Variants in CDH18 observed in about 807,000 individuals in gnomAD.
CDH18 encodes the protein cadherin-18.
CDH18 carries 31 observed loss-of-function variants against 67.9 expected under a neutral mutation model. The ratio of observed to expected loss-of-function variants is 0.46; its 90% CI spans 0.34 to 0.62. CDH18 has a LOEUF of 0.62. Among genes scored for constraint, CDH18 ranks in the 20% least tolerant of loss-of-function variants. CDH18 has a pLI of 0.01. For missense variants in CDH18, 890 were observed against 975.5 expected, an observed-to-expected ratio of 0.91 and a Z score of 1.17; for synonymous variants, 362 against 347.2, an observed-to-expected ratio of 1.04 and a Z score of -0.48.
At chr5:19,971,143 T>C (rs1282353703) in intron 2 of CDH18, among the ~76,000 whole-genome samples, 2 of 151,798 alleles carry the variant, frequency 1.3e-5, no homozygotes. Context: ...TGCTTATTGA[T>C]GAAATGCTAG....
At chr5:19,590,917 A>C (rs907882455) in intron 7 of CDH18, 140 bp downstream of exon 7, 8 of 544,344 alleles carry the variant, frequency 1.5e-5, no homozygotes, top group African/African-American at 1.3e-4. Context: ...AACAACAATT[A>C]AAATGTAATT....
intron 1 of CDH18, among the ~76,000 whole-genome samples, chr5:20,355,245 A>T (rs2150063365): frequency 6.6e-6 from 1 of 152,348 alleles, no homozygotes; most frequent in Middle Eastern, 3.4e-3. Context: ...GAGGGAGGGC[A>T]GTATGGCTCT....
At chr5:19,597,819 T>A (rs543477722) in intron 6 of CDH18, among the ~76,000 whole-genome samples, 2 of 152,310 alleles carry the variant, frequency 1.3e-5, no homozygotes, top group African/African-American at 4.8e-5. Context: ...AATATTAATG[T>A]AATGTGTTTC....
At chr5:20,399,550 C>T (rs559822852) in intron 1 of CDH18, among the ~76,000 whole-genome samples, 7 of 152,278 alleles carry the variant, frequency 4.6e-5, no homozygotes, top group African/African-American at 1.4e-4. Flanking sequence ...TTACTTAACA[C>T]AGTCACTGAA....
At chr5:20,041,462 A>G (rs1740415495) in intron 2 of CDH18, among the ~76,000 whole-genome samples, 1 of 152,196 alleles carries the variant, frequency 6.6e-6, no homozygotes, top group African/African-American at 2.4e-5. Context: ...ATATCCTCCA[A>G]TTAAATGATT....
rs374598853 is a variant in CDH18, at chr5:20,210,653, C to T, written c.-518+44791G>A. Among the ~76,000 whole-genome samples, 42 of 151,582 alleles carry T rather than the reference C, an allele frequency of 2.8e-4. No homozygotes were observed. The East Asian group carries it at 7.4e-3, about 27-fold the overall frequency. On this transcript the variant is annotated intron_variant, in intron 2 of 14. Transcript: ENST00000507958. ...TTGATCTTGGATTTTATTTTATATC[C>T]GATAGTGATTTAGGTGAAAACACTT...
At chr5:20,114,976 T>A (rs1260414421) in intron 2 of CDH18, among the ~76,000 whole-genome samples, 6 of 152,092 alleles carry the variant, frequency 3.9e-5, no homozygotes, top group Non-Finnish European at 8.8e-5. Flanking sequence ...GGTTATAGAA[T>A]CTAAGGAATG....
chr5:19,651,431 C>A (rs1755565330), intron 5 of CDH18, among the ~76,000 whole-genome samples: 2 of 151,966 alleles, frequency 1.3e-5, no homozygotes, highest in South Asian at 4.2e-4. Context: ...TAACATAAAC[C>A]TGGCCTTCCA....
chr5:19,989,513 T>C (rs1799859204), upstream of CDH18, among the ~76,000 whole-genome samples: 1 of 152,186 alleles, frequency 6.6e-6, no homozygotes, highest in Admixed American at 6.5e-5. Context: ...TGGAAGGCAA[T>C]CCTCACTTTA....
At chr5:20,413,927 C>T (rs112441460) in intron 1 of CDH18, among the ~76,000 whole-genome samples, 155 of 152,156 alleles carry the variant, frequency 1.0e-3, no homozygotes, top group South Asian at 7.7e-3. Context: ...GTTTTCTTCT[C>T]GGGTTTTTAT....
intron 10 of CDH18, among the ~76,000 whole-genome samples, chr5:19,513,913 T>C (rs1345200560): frequency 2.6e-5 from 4 of 152,138 alleles, no homozygotes; most frequent in Non-Finnish European, 5.9e-5. Context: ...TTGTTACATA[T>C]GTATACCTGT....
At chr5:20,188,621 T>C (rs997634160) in intron 2 of CDH18, among the ~76,000 whole-genome samples, 1 of 151,956 alleles carries the variant, frequency 6.6e-6, no homozygotes, top group Non-Finnish European at 1.5e-5. Context: ...GGAGTTTAAA[T>C]AGCTTGTTTA....
At chr5:20,260,945 A>T (rs1467573411) in intron 1 of CDH18, among the ~76,000 whole-genome samples, 1 of 152,194 alleles carries the variant, frequency 6.6e-6, no homozygotes, top group Non-Finnish European at 1.5e-5. Context: ...GTCCTGACCA[A>T]TACATGGTTT....
chr5:20,157,868 C>T (rs1323002639), intron 2 of CDH18, among the ~76,000 whole-genome samples: 1 of 152,054 alleles, frequency 6.6e-6, no homozygotes, highest in Non-Finnish European at 1.5e-5. Flanking sequence ...TCTCGATCTC[C>T]TGACCTTGTG....
chr5:20,321,245 G>A (rs191382634), intron 1 of CDH18, among the ~76,000 whole-genome samples: 3 of 152,084 alleles, frequency 2.0e-5, no homozygotes, highest in East Asian at 3.9e-4. Context: ...GGTACCATCA[G>A]CTGCTTGCTA....
chr5:20,540,550 C>T (rs1260002768), intron 1 of CDH18, among the ~76,000 whole-genome samples: 2 of 152,108 alleles, frequency 1.3e-5, no homozygotes, highest in Non-Finnish European at 2.9e-5. Flanking sequence ...ACAGTGATAC[C>T]ATTTTGAAGT....
chr5:20,281,245 C>A (rs1408896800), intron 1 of CDH18, among the ~76,000 whole-genome samples: 1 of 152,098 alleles, frequency 6.6e-6, no homozygotes. Flanking sequence ...GCTTTTGTTG[C>A]CATTGCTTTT....
intron 2 of CDH18, among the ~76,000 whole-genome samples, chr5:19,923,750 C>T (rs1792767168): frequency 6.6e-6 from 1 of 152,122 alleles, no homozygotes; most frequent in South Asian, 2.1e-4. Flanking sequence ...AAATATTGTG[C>T]TCAAAGCCTT....
chr5:20,503,209 T>C (rs1754446346), intron 1 of CDH18, among the ~76,000 whole-genome samples: 1 of 151,056 alleles, frequency 6.6e-6, no homozygotes, highest in Admixed American at 6.6e-5. Flanking sequence ...ACTGTAGGAT[T>C]CTAAACATGT....
Sources: allele counts gnomAD v4.1 joint callset (sites outside exome capture counted in the v4.1 genomes callset), GRCh38; gene constraint gnomAD v4.1.1; transcripts MANE v1.5; gene names NCBI Gene and HGNC (gene_info 2026-07-23, HGNC 2026-07-21).